Variants in MDGA2 observed in about 807,000 individuals in gnomAD.
MDGA2 encodes the protein MAM domain-containing glycosylphosphatidylinositol anchor protein 2.
A neutral mutation model predicts 117.8 loss-of-function variants in MDGA2; 40 were observed. The observed-to-expected ratio is 0.34, with a 90% CI of 0.26 to 0.44. The LOEUF (loss-of-function observed/expected upper bound fraction) is 0.44, where lower values mean the gene tolerates loss of function less well. MDGA2 is among the 20% of genes least tolerant of loss of function. MDGA2 has a pLI of 1.00. For synonymous variants in MDGA2, 452 were observed against 439.0 expected (o/e 1.03, Z -0.37); for missense variants, 1,123 against 1,250.6 (o/e 0.90, Z 1.54).
At chr14:47,430,232 C>T (rs1368695491) in intron 1 of MDGA2, among the ~76,000 whole-genome samples, 3 of 151,982 alleles carry the variant, frequency 2.0e-5, no homozygotes, top group Non-Finnish European at 4.4e-5. Context: ...ACTTAGGGAA[C>T]TGTTGCAGGA....
intron 15 of MDGA2, among the ~76,000 whole-genome samples, chr14:46,851,705 G>A (rs1362867392): frequency 2.0e-5 from 3 of 151,698 alleles, no homozygotes; most frequent in Non-Finnish European, 4.4e-5. Flanking sequence ...AATTTCAAGA[G>A]GTAAAAGTTG....
chr14:47,664,399 G>T (rs1897904667), intron 1 of MDGA2, among the ~76,000 whole-genome samples: 1 of 152,074 alleles, frequency 6.6e-6, no homozygotes, highest in African/African-American at 2.4e-5. Context: ...AGATTTTTAA[G>T]AACAGAAGGG....
chr14:47,656,592 G>A (rs1178013357), intron 1 of MDGA2, among the ~76,000 whole-genome samples: 1 of 152,134 alleles, frequency 6.6e-6, no homozygotes, highest in Non-Finnish European at 1.5e-5. Context: ...TTGGCTGGAC[G>A]CCTGCAAAGA....
intron 8 of MDGA2, among the ~76,000 whole-genome samples, chr14:47,023,224 GA>G (rs1196970346): frequency 8.2e-6 from 1 of 121,644 alleles, no homozygotes; most frequent in Non-Finnish European, 1.8e-5. Context: ...AAAAGAAAAA[GA>G]AAGAAAGAAA....
chr14:47,142,895 T>C (rs992856094), intron 4 of MDGA2, among the ~76,000 whole-genome samples: 3 of 152,220 alleles, frequency 2.0e-5, no homozygotes, highest in Non-Finnish European at 2.9e-5. Context: ...AAGTTAAAAC[T>C]GTTCTATACC....
intron 9 of MDGA2, among the ~76,000 whole-genome samples, chr14:46,953,107 G>T (rs1432509404): frequency 6.6e-6 from 1 of 151,714 alleles, no homozygotes; most frequent in Non-Finnish European, 1.5e-5. Flanking sequence ...ATGTAAAACT[G>T]GCAAAGTTTT....
intron 10 of MDGA2, among the ~76,000 whole-genome samples, chr14:46,902,097 CAAG>C (rs1883309263): frequency 1.3e-5 from 2 of 152,060 alleles, no homozygotes; most frequent in Non-Finnish European, 2.9e-5. Context: ...CCTTGTTTTA[CAAG>C]AAGGAGTTTT....
intron 1 of MDGA2, among the ~76,000 whole-genome samples, chr14:47,622,088 C>T (rs1897059957): frequency 6.6e-6 from 1 of 152,090 alleles, no homozygotes; most frequent in South Asian, 2.1e-4. Context: ...TTTCTAACAT[C>T]CTTCAAAGAA....
intron 6 of MDGA2, among the ~76,000 whole-genome samples, chr14:47,087,729 G>C (rs1890956525): frequency 6.8e-6 from 1 of 147,240 alleles, no homozygotes; most frequent in African/African-American, 2.5e-5. Flanking sequence ...CACAACAAAG[G>C]AAAAAATGCT....
chr14:46,943,159 T>C (rs1885057855), intron 9 of MDGA2, among the ~76,000 whole-genome samples: 1 of 152,068 alleles, frequency 6.6e-6, no homozygotes, highest in Non-Finnish European at 1.5e-5. Context: ...CTCTCGTAAT[T>C]ACTCTATCTT....
At chr14:47,163,414 T>G (rs1458438124) in intron 3 of MDGA2, among the ~76,000 whole-genome samples, 1 of 151,700 alleles carries the variant, frequency 6.6e-6, no homozygotes, top group African/African-American at 2.4e-5. Flanking sequence ...TGATGGTGGG[T>G]TGTGGGGGTG....
rs1236424196 is a variant in MDGA2 at position 47,168,271 on chromosome 14, C to T, written c.596-23997G>A. Among the ~76,000 whole-genome samples the T allele has an allele frequency of 1.2e-4, 15 of 126,310 alleles. 1 individual carries two copies. The highest frequency in any genetic ancestry group is 4.8e-4 in the South Asian group (2 of 4,148). The allele number at this position is 126,310 out of a possible 152,430, so 82.9% of individuals were successfully genotyped here. On this transcript the variant is annotated intron_variant, in intron 3 of 16. Transcript: ENST00000399232. ...TCTCTCTTTAACCATAGTGACAGGG[C>T]GGAACTCCATCTCAAAAAAAAAAAA... is the stretch of plus-strand genomic sequence containing the variant.
chr14:47,415,153 A>G (rs1892449075), intron 1 of MDGA2, among the ~76,000 whole-genome samples: 1 of 152,108 alleles, frequency 6.6e-6, no homozygotes, highest in Admixed American at 6.6e-5. Flanking sequence ...TAATTTCTAT[A>G]TCAGTAACCC....
chr14:47,267,408 G>A (rs1031936400), intron 2 of MDGA2, among the ~76,000 whole-genome samples: 4 of 151,972 alleles, frequency 2.6e-5, no homozygotes, highest in African/African-American at 9.7e-5. Context: ...CATAACTAAT[G>A]TTAATGACAT....
At chr14:47,289,949 T>C (rs949052445) in intron 2 of MDGA2, among the ~76,000 whole-genome samples, 1 of 152,170 alleles carries the variant, frequency 6.6e-6, no homozygotes, top group African/African-American at 2.4e-5. Flanking sequence ...CATCAGAAAA[T>C]GTGAGTGGCA....
At chr14:47,028,696 A>G (rs781108465) in intron 8 of MDGA2, among the ~76,000 whole-genome samples, 1 of 152,134 alleles carries the variant, frequency 6.6e-6, no homozygotes, top group African/African-American at 2.4e-5. Flanking sequence ...ACAGAAGAGG[A>G]GCATAAAAGC....
intron 1 of MDGA2, among the ~76,000 whole-genome samples, chr14:47,310,233 GA>G (rs890796512): frequency 3.3e-5 from 5 of 150,970 alleles, no homozygotes; most frequent in Non-Finnish European, 5.9e-5. Flanking sequence ...TTTTAGAGAT[GA>G]AAAAAAAAGT....
At chr14:46,899,142 G>A (rs942101121) in intron 10 of MDGA2, among the ~76,000 whole-genome samples, 1 of 151,976 alleles carries the variant, frequency 6.6e-6, no homozygotes, top group African/African-American at 2.4e-5. Flanking sequence ...TTATAAGTCA[G>A]TCATTACTGA....
At chr14:47,374,297 C>A (rs1166069926) in intron 1 of MDGA2, among the ~76,000 whole-genome samples, 1 of 152,020 alleles carries the variant, frequency 6.6e-6, no homozygotes, top group East Asian at 1.9e-4. Context: ...GTCCTGAGTT[C>A]TCATGAATAA....
Sources: gnomAD v4.1 joint callset for allele counts (sites outside exome capture counted in the v4.1 genomes callset) on GRCh38, gnomAD v4.1.1 for gene constraint, MANE v1.5 for transcripts, NCBI Gene and HGNC (gene_info 2026-07-23, HGNC 2026-07-21) for gene names.